The following CAMK1D variants were observed in gnomAD, a reference collection of about 807,000 sequenced individuals.
CAMK1D encodes the protein calcium/calmodulin dependent protein kinase ID, also known as calcium/calmodulin-dependent protein kinase type 1D.
A neutral mutation model predicts 47.7 loss-of-function variants in CAMK1D; 9 were observed. The observed-to-expected ratio is 0.19, with a 90% CI of 0.11 to 0.33. The LOEUF is 0.33. Among genes scored for constraint, CAMK1D ranks in the 10% least tolerant of loss-of-function variants. CAMK1D has a pLI of 1.00. For synonymous variants in CAMK1D, 184 were observed against 184.9 expected, an observed-to-expected ratio of 0.99 and a Z score of 0.04; for missense variants, 291 against 488.7, an observed-to-expected ratio of 0.60 and a Z score of 3.81.
chr10:12,374,274 A>AAAAAAAG (rs1838103306), intron 1 of CAMK1D, among the ~76,000 whole-genome samples: 1 of 150,872 alleles, frequency 6.6e-6, no homozygotes, highest in Non-Finnish European at 1.5e-5. Context: ...AAAAAAAAAA[A>AAAAAAAG]AAAAAAGAAA....
chr10:12,770,926 G>A (rs1333331644), intron 5 of CAMK1D, among the ~76,000 whole-genome samples: 1 of 151,746 alleles, frequency 6.6e-6, no homozygotes, highest in East Asian at 1.9e-4. Context: ...TTTCTTTTTT[G>A]TGGGGGGTGG....
intron 4 of CAMK1D, among the ~76,000 whole-genome samples, chr10:12,764,568 T>C (rs946777935): frequency 2.0e-4 from 30 of 151,918 alleles, no homozygotes; most frequent in African/African-American, 7.3e-4. Flanking sequence ...CAGTGTGAAA[T>C]CACTTACTCT....
intron 1 of CAMK1D, among the ~76,000 whole-genome samples, chr10:12,370,819 G>C (rs912461140): frequency 6.6e-6 from 1 of 152,110 alleles, no homozygotes; most frequent in African/African-American, 2.4e-5. Context: ...TGCTGGCCAG[G>C]CTGGTCTCGA....
In CAMK1D at chr10:12,414,183, A is replaced by G. The variant is rs192343412; in HGVS notation, c.92+64273A>G. On this transcript the variant is annotated intron_variant, in intron 1 of 10. Transcript: ENST00000619168. Reference sequence around the variant, plus strand: ...AATTTGAAATTTCCTCCCTCTAAAGAGGAGATAGAAGGAATGGAGATGGCG... The same window carrying G: ...AATTTGAAATTTCCTCCCTCTAAAGGGGAGATAGAAGGAATGGAGATGGCG... Among the ~76,000 whole-genome samples the G allele has an allele frequency of 9.2e-5, 14 of 152,336 alleles. No individual in the cohort carries two copies. In the East Asian group the frequency reaches 2.7e-3, roughly 29 times the overall value.
chr10:12,385,590 G>C (rs1588428216), intron 1 of CAMK1D, among the ~76,000 whole-genome samples: 1 of 152,170 alleles, frequency 6.6e-6, no homozygotes, highest in South Asian at 2.1e-4. Context: ...GTTGCCTAAG[G>C]CTGGGGGTTG....
At chr10:12,514,078 G>A (rs1281028997) in intron 1 of CAMK1D, among the ~76,000 whole-genome samples, 1 of 152,182 alleles carries the variant, frequency 6.6e-6, no homozygotes, top group Non-Finnish European at 1.5e-5. Context: ...GAGTTTCCCT[G>A]ACTTGCTATG....
At chr10:12,396,349 G>C (rs1838954544) in intron 1 of CAMK1D, among the ~76,000 whole-genome samples, 1 of 152,174 alleles carries the variant, frequency 6.6e-6, no homozygotes, top group African/African-American at 2.4e-5. Context: ...AAGAACTTGG[G>C]GAACGGTTGC....
intron 1 of CAMK1D, among the ~76,000 whole-genome samples, chr10:12,507,705 C>T (rs565672346): frequency 2.0e-5 from 3 of 152,238 alleles, no homozygotes; most frequent in East Asian, 3.9e-4. Flanking sequence ...ACCACCAGCC[C>T]GGTCCCTCCC....
chr10:12,825,380 G>T (rs1476565190), intron 9 of CAMK1D, among the ~76,000 whole-genome samples, 193 bp from the exon 10 acceptor site: 2 of 152,068 alleles, frequency 1.3e-5, no homozygotes, highest in Non-Finnish European at 2.9e-5. Context: ...AAAATATTTA[G>T]TTGGGGAAAG....
chr10:12,544,764 C>A (rs968080918), intron 1 of CAMK1D, among the ~76,000 whole-genome samples: 4 of 151,318 alleles, frequency 2.6e-5, no homozygotes, highest in Admixed American at 1.3e-4. Context: ...GTGGATGGTA[C>A]TAGTGTTGAG....
intron 1 of CAMK1D, among the ~76,000 whole-genome samples, chr10:12,471,041 T>G (rs1309187129): frequency 2.6e-5 from 4 of 152,204 alleles, no homozygotes; most frequent in Non-Finnish European, 5.9e-5. Context: ...TTTTCCTCCT[T>G]CCTCCCTTTG....
intron 3 of CAMK1D, among the ~76,000 whole-genome samples, chr10:12,716,063 C>T (rs10906213): frequency 0.095 from 14,487 of 151,946 alleles, 769 homozygotes; most frequent in Admixed American, 0.15. Flanking sequence ...GCTTGCTGTG[C>T]GTCAGGCTCA....
At chr10:12,670,844 C>T (rs1840593303) in intron 3 of CAMK1D, among the ~76,000 whole-genome samples, 1 of 152,100 alleles carries the variant, frequency 6.6e-6, no homozygotes, top group South Asian at 2.1e-4. Context: ...CCACCGTGCC[C>T]AGCCCGAAAT....
chr10:12,734,345 A>AATATATAT (rs1212612487), intron 3 of CAMK1D, among the ~76,000 whole-genome samples: 1 of 8,476 alleles, frequency 1.2e-4, no homozygotes, highest in African/African-American at 2.9e-4. Flanking sequence ...AAAAAAAAAA[A>AATATATAT]ATATATATAT....
At chr10:12,774,385 C>A (rs1239765404) in intron 5 of CAMK1D, among the ~76,000 whole-genome samples, 3 of 151,958 alleles carry the variant, frequency 2.0e-5, no homozygotes, top group Non-Finnish European at 4.4e-5. Flanking sequence ...GCATTCCAGG[C>A]CCAGTGCAGA....
intron 1 of CAMK1D, among the ~76,000 whole-genome samples, chr10:12,439,865 A>T (rs538299251): frequency 6.6e-6 from 1 of 152,342 alleles, no homozygotes; most frequent in African/African-American, 2.4e-5. Context: ...CCTCACAATC[A>T]TGGTGGAAGG....
At chr10:12,651,341 G>A (rs145351217) in intron 2 of CAMK1D, among the ~76,000 whole-genome samples, 4 of 152,260 alleles carry the variant, frequency 2.6e-5, no homozygotes, top group African/African-American at 7.2e-5. Context: ...GCACATCTCC[G>A]CCTTTGGCCC....
At chr10:12,806,384 C>T (rs1838732272) in intron 6 of CAMK1D, among the ~76,000 whole-genome samples, 1 of 152,170 alleles carries the variant, frequency 6.6e-6, no homozygotes, top group Non-Finnish European at 1.5e-5. Context: ...ATGTAAGCTT[C>T]CCAGCCTGAA....
At chr10:12,512,460 ATC>A (rs1250523019) in intron 1 of CAMK1D, among the ~76,000 whole-genome samples, 2 of 152,146 alleles carry the variant, frequency 1.3e-5, no homozygotes, top group Non-Finnish European at 2.9e-5. Flanking sequence ...CAGTGATGCA[ATC>A]TCGGCTCACT....
Sources: allele counts gnomAD v4.1 joint callset (sites outside exome capture counted in the v4.1 genomes callset), GRCh38; gene constraint gnomAD v4.1.1; transcripts MANE v1.5; gene names NCBI Gene and HGNC (gene_info 2026-07-23, HGNC 2026-07-21).